The following CNTN1 variants were observed in gnomAD, a reference collection of about 807,000 sequenced individuals.
CNTN1 encodes contactin-1.
In CNTN1, 38 loss-of-function variants were observed where a neutral mutation model predicts 126.4. The observed-to-expected ratio is 0.30, with a 90% confidence interval of 0.23 to 0.39. The LOEUF is 0.39. CNTN1 is among the 10% of genes least tolerant of loss of function. The pLI, the probability that CNTN1 is intolerant of heterozygous loss-of-function variation, is 1.00. For synonymous variants in CNTN1, 413 were observed against 422.6 expected, an observed-to-expected ratio of 0.98 and a Z score of 0.28; for missense variants, 1,009 against 1,248.4, an observed-to-expected ratio of 0.81 and a Z score of 2.89.
At chr12:40,905,773 G>A (rs917430826) in intron 1 of CNTN1, among the ~76,000 whole-genome samples, 6 of 152,016 alleles carry the variant, frequency 3.9e-5, no homozygotes, top group African/African-American at 1.2e-4. Flanking sequence ...TTTTGTATGT[G>A]TAACTCAATG....
At chr12:40,716,668 T>C (rs1942057968) in intron 1 of CNTN1, among the ~76,000 whole-genome samples, 1 of 152,214 alleles carries the variant, frequency 6.6e-6, no homozygotes, top group Non-Finnish European at 1.5e-5. Flanking sequence ...ATAGATAGTT[T>C]AGATTGAGAA....
chr12:40,971,750 A>G (rs958947659), intron 15 of CNTN1: 7 of 1,257,216 alleles, frequency 5.6e-6, no homozygotes, highest in Middle Eastern at 3.1e-4. Flanking sequence ...AGTACATTAT[A>G]TAATGGCCAA....
chr12:41,031,655 T>A (rs895279158), intron 23 of CNTN1, among the ~76,000 whole-genome samples: 1 of 152,184 alleles, frequency 6.6e-6, no homozygotes, highest in Admixed American at 6.5e-5. Flanking sequence ...AGTATTTTTT[T>A]AATCCCAAAC....
At chr12:40,980,856 G>A in intron 15 of CNTN1, 53 bp from the exon 16 acceptor site, 1 of 1,523,192 alleles carries the variant, frequency 6.6e-7, no homozygotes, top group Non-Finnish European at 9.1e-7. Context: ...TCTAATGTGT[G>A]TTTGACTCAC....
chr12:41,056,995 TATAA>T (rs1326598749), intron 23 of CNTN1, among the ~76,000 whole-genome samples: 7 of 88,350 alleles, frequency 7.9e-5, no homozygotes, highest in South Asian at 3.0e-4. Flanking sequence ...TTATAAATAT[TATAA>T]ATATTTAGAT....
At chr12:41,004,785 G>A (rs1372148461) in intron 17 of CNTN1, among the ~76,000 whole-genome samples, 1 of 152,062 alleles carries the variant, frequency 6.6e-6, no homozygotes, top group Non-Finnish European at 1.5e-5. Context: ...TTTGCTTGGT[G>A]GATTTTTCTT....
At chr12:41,042,606 C>T (rs1296161037) in intron 23 of CNTN1, among the ~76,000 whole-genome samples, 3 of 151,796 alleles carry the variant, frequency 2.0e-5, no homozygotes, top group South Asian at 4.2e-4. Flanking sequence ...TGCCATCCCC[C>T]TCAAGCTACC....
chr12:40,861,646 G>A (rs1464119810), intron 1 of CNTN1, among the ~76,000 whole-genome samples: 4 of 151,762 alleles, frequency 2.6e-5, no homozygotes, highest in Non-Finnish European at 4.4e-5. Context: ...CTTAAGAACC[G>A]TTCTGTGCCT....
intron 1 of CNTN1, among the ~76,000 whole-genome samples, chr12:40,886,960 G>C (rs546958619): frequency 9.6e-4 from 146 of 152,234 alleles, no homozygotes; most frequent in Non-Finnish European, 1.8e-3. Context: ...ATGCTGTTTT[G>C]GTTACTGTAG....
intron 1 of CNTN1, among the ~76,000 whole-genome samples, chr12:40,765,332 C>G (rs1406357901): frequency 6.6e-6 from 1 of 152,062 alleles, no homozygotes; most frequent in Non-Finnish European, 1.5e-5. Flanking sequence ...ATTTGACATA[C>G]AAGTGGAGAT....
chr12:41,068,254 T>C (rs1282887606), intron 23 of CNTN1, among the ~76,000 whole-genome samples: 1 of 152,156 alleles, frequency 6.6e-6, no homozygotes. Flanking sequence ...CCTACCATTG[T>C]AGGTTGTTGT....
chr12:40,729,050 T>G (rs1032737668), intron 1 of CNTN1: 2 of 157,122 alleles, frequency 1.3e-5, no homozygotes, highest in African/African-American at 4.8e-5. Flanking sequence ...ATCCATACAC[T>G]GGTAAACTTA....
chr12:40,737,595 G>A (rs1235305091), intron 1 of CNTN1, among the ~76,000 whole-genome samples: 2 of 151,408 alleles, frequency 1.3e-5, no homozygotes, highest in Non-Finnish European at 2.9e-5. Flanking sequence ...TATATTCGCC[G>A]GCAGCTGAGT....
intron 1 of CNTN1, among the ~76,000 whole-genome samples, chr12:40,754,533 C>A (rs1037521523): frequency 6.6e-6 from 1 of 151,492 alleles, no homozygotes; most frequent in African/African-American, 2.4e-5. Flanking sequence ...TTTTTATCCA[C>A]AGTTGTTTGA....
chr12:40,854,956 A>G (rs1421555260), intron 1 of CNTN1, among the ~76,000 whole-genome samples: 3 of 152,076 alleles, frequency 2.0e-5, no homozygotes, highest in Non-Finnish European at 2.9e-5. Flanking sequence ...GAACAGTGGC[A>G]ATGTGTCACT....
chr12:40,798,687 G>A (rs1423535797), intron 1 of CNTN1, among the ~76,000 whole-genome samples: 1 of 151,904 alleles, frequency 6.6e-6, no homozygotes, highest in African/African-American at 2.4e-5. Flanking sequence ...GGAGCTTAAT[G>A]ATGGGAACAC....
At chr12:40,696,144 G>A (rs1264076966) in intron 1 of CNTN1, among the ~76,000 whole-genome samples, 1 of 152,182 alleles carries the variant, frequency 6.6e-6, no homozygotes, top group Non-Finnish European at 1.5e-5. Context: ...ATAAAGAATA[G>A]CTATTAATAA....
chr12:40,706,255 T>A (rs10784799), intron 1 of CNTN1, among the ~76,000 whole-genome samples: 134,487 of 136,350 alleles, frequency 0.99, 66,347 homozygotes, highest in Middle Eastern at 1. Context: ...TCCTAATGCT[T>A]TCCCTCCCCC....
chr12:40,939,441 G>A lies in CNTN1; in HGVS notation c.1335G>A (p.Lys445=). The part of the protein sequence containing the change: ...ECKPKAAPKP[K]FSWSKGTEWL... ...AACCTAAAGCTGCACCGAAACCAAA[G>A]TTTTCATGGAGTAAAGGGACAGAGT... Residue 445 remains lysine (K), a synonymous_variant, in exon 12 of 24, where the codon AAG becomes AAA. Coordinates refer to ENST00000551295, the MANE Select transcript of CNTN1 (RefSeq NM_001843.4). 1 of 1,613,950 alleles carries A rather than the reference G, an allele frequency of 6.2e-7. No individual in the cohort carries two copies. The highest frequency in any genetic ancestry group is 8.5e-7 in the Non-Finnish European group (1 of 1,179,938).
Sources: allele counts gnomAD v4.1 joint callset (sites outside exome capture counted in the v4.1 genomes callset), GRCh38; gene constraint gnomAD v4.1.1; transcripts MANE v1.5; gene names NCBI Gene and HGNC (gene_info 2026-07-23, HGNC 2026-07-21).